ARGFX: variants seen among roughly 807,000 people sequenced by gnomAD.
ARGFX encodes the protein arginine-fifty homeobox.
ARGFX carries 10 observed loss-of-function variants against 8.0 expected under a neutral mutation model. The observed-to-expected ratio is 1.25, with a 90% CI of 0.77 to 2.12. The LOEUF (loss-of-function observed/expected upper bound fraction) is 2.12. Among genes scored for constraint, ARGFX ranks in the 30% most tolerant of loss-of-function variants. The probability of loss-of-function intolerance (pLI) is 0.00; values close to 1 mark genes in which losing one functional copy is unlikely to be tolerated. For synonymous variants in ARGFX, 116 were observed against 117.8 expected, an observed-to-expected ratio of 0.98 and a Z score of 0.10; for missense variants, 282 against 324.3, an observed-to-expected ratio of 0.87 and a Z score of 1.00.
Position 121,577,480 on chromosome 3 carries a change from G to A in ARGFX, c.220+580G>A, listed in dbSNP as rs937124809. On this transcript the variant is annotated intron_variant, in intron 3 of 4. Coordinates refer to ENST00000334384, the MANE Select transcript of ARGFX (RefSeq NM_001012659.2). Reference sequence around the variant, plus strand: ...TGTTGACCAGGCTGGTCTTGAACTCGTGACCTCAAGTGATCCGCCCGCCTG... The same window carrying A: ...TGTTGACCAGGCTGGTCTTGAACTCATGACCTCAAGTGATCCGCCCGCCTG... Among the ~76,000 whole-genome samples, 8 of 150,922 alleles carry A rather than the reference G, an allele frequency of 5.3e-5. No homozygotes were observed. In the South Asian group the frequency reaches 1.0e-3, roughly 20 times the overall value.
At position 121,585,751 on chromosome 3, in the gene ARGFX, C is replaced by G. The variant is rs139767058; in HGVS notation, c.370-271C>G. 5.5e-3 allele frequency among the ~76,000 whole-genome samples: 838 copies of G among 152,230 alleles called. 2 individuals are homozygous for G. The highest frequency in any genetic ancestry group is 7.5e-3 in the Non-Finnish European group (508 of 68,000). On this transcript the variant is annotated intron_variant, in intron 4 of 4. Transcript: ENST00000334384. ...CTAGATCCTAGATCCCTAAACTAGCCTCTCTTCTCTAGAGTTCAGGACCCT... is the reference window on the plus strand; with the variant it reads ...CTAGATCCTAGATCCCTAAACTAGCGTCTCTTCTCTAGAGTTCAGGACCCT...
Position 121,586,458 on chromosome 3 carries a change from G to A in ARGFX, c.806G>A (p.Ser269Asn). Reference sequence around the variant, plus strand: ...GTAGGAGGACAGGGTTCCTCTCTCAGCATCTTTGCTGGTCCAGCTGTAGGC... The same window carrying A: ...GTAGGAGGACAGGGTTCCTCTCTCAACATCTTTGCTGGTCCAGCTGTAGGC... The part of the protein sequence containing the change: ...YQVGGQGSSL[S>N]IFAGPAVGLS... Residue 269 changes from serine (S) to asparagine (N), a missense_variant, in exon 5 of 5, where the codon AGC becomes AAC. Physicochemically the swap from Ser to Asn is conservative, Grantham distance 46 (BLOSUM62 1). Coordinates refer to ENST00000334384, the MANE Select transcript of ARGFX (RefSeq NM_001012659.2). 1 of 1,614,198 alleles carries A rather than the reference G, an allele frequency of 6.2e-7. No homozygotes were observed. The highest frequency in any genetic ancestry group is 8.5e-7 in the Non-Finnish European group (1 of 1,180,046).
At chr3:121,571,730 ATTTTTTTTTTTTTT>A (rs1173636701) in intron 2 of ARGFX, among the ~76,000 whole-genome samples, 2 of 107,102 alleles carry the variant, frequency 1.9e-5, no homozygotes, top group Admixed American at 1.1e-4. Flanking sequence ...TGCCCGGCAA[ATTTTTTTTTTTTTT>A]TTTTTTTTTT....
At chr3:121,573,875 C>T (rs1576440920) in intron 2 of ARGFX, among the ~76,000 whole-genome samples, 1 of 123,340 alleles carries the variant, frequency 8.1e-6, no homozygotes, top group Admixed American at 7.9e-5. Context: ...AAAAAAAAGG[C>T]AAAAAACTTG....
rs1157250183 is a variant in ARGFX, at chr3:121,590,557, A to G, written c.*3957A>G. Reference sequence around the variant, plus strand: ...GGCCCTGGCCAGGTGTGGCCCCTCCATCTTCCGTCTGAGACTGGAAGACTT... The same window carrying G: ...GGCCCTGGCCAGGTGTGGCCCCTCCGTCTTCCGTCTGAGACTGGAAGACTT... On this transcript the variant is annotated 3_prime_UTR_variant, in exon 5 of 5. Transcript: ENST00000334384. 4.1e-5 allele frequency among the ~76,000 whole-genome samples: 6 copies of G among 144,774 alleles called. No individual in the cohort carries two copies. Among genetic ancestry groups the G allele is most frequent in the African/African-American group, 1.0e-4 (4 of 38,480 alleles). 95.0% of individuals were successfully genotyped at this position (144,774 alleles called of 152,430 possible).
chr3:121,584,829 G>A, intron 3 of ARGFX, 88 bp from the exon 4 acceptor site: 1 of 1,448,688 alleles, frequency 6.9e-7, no homozygotes, highest in Non-Finnish European at 9.4e-7. Flanking sequence ...TCACCATGGT[G>A]ATTTGTTTTT....
chr3:121,569,006 G>A (rs891873691), intron 1 of ARGFX, among the ~76,000 whole-genome samples: 1 of 152,146 alleles, frequency 6.6e-6, no homozygotes, highest in African/African-American at 2.4e-5. Flanking sequence ...CATATTCAAA[G>A]TGAAAACTGA....
intron 3 of ARGFX, among the ~76,000 whole-genome samples, chr3:121,583,025 ATTTTTT>A (rs35823830): frequency 1.0e-4 from 11 of 108,358 alleles, no homozygotes; most frequent in African/African-American, 2.6e-4. Flanking sequence ...TAATTGCGGG[ATTTTTT>A]TTTTTTTTTT....
intron 3 of ARGFX, among the ~76,000 whole-genome samples, chr3:121,584,227 G>C (rs1397878979): frequency 3.4e-5 from 5 of 146,508 alleles, no homozygotes; most frequent in South Asian, 2.2e-4. Flanking sequence ...AGGAAGGAAG[G>C]AAGGAAGGAA....
chr3:121,586,552 C>T lies in ARGFX; in HGVS notation c.900C>T (p.Ser300=). 1.2e-6 allele frequency: 2 copies of T among 1,613,988 alleles called. No individual in the cohort carries two copies. Among genetic ancestry groups the T allele is most frequent in the Non-Finnish European group, 1.7e-6 (2 of 1,179,996 alleles). The change falls in exon 5 of 5, where the codon AGC becomes AGT. Residue 300 remains serine, a synonymous_variant. Coordinates refer to ENST00000334384, the MANE Select transcript of ARGFX (RefSeq NM_001012659.2). ...TTGAAGCCTACAGTCTAACAGATAG[C>T]CTGGAATTCCAGAAAACCTCCAATA... ...QAFEAYSLTD[S]LEFQKTSNMV... is the part of the protein sequence containing the mutation.
intron 2 of ARGFX, among the ~76,000 whole-genome samples, chr3:121,575,339 GAAA>G (rs1370780904): frequency 1.3e-5 from 2 of 151,474 alleles, no homozygotes; most frequent in Non-Finnish European, 2.9e-5. Context: ...AAAAGAAAAA[GAAA>G]AAAATCTACA....
At chr3:121,582,578 G>A (rs1576444286) in intron 3 of ARGFX, among the ~76,000 whole-genome samples, 2 of 152,124 alleles carry the variant, frequency 1.3e-5, no homozygotes, top group African/African-American at 2.4e-5. Context: ...TTTCATCTAC[G>A]TTCGTAAGTG....
At chr3:121,579,016 A>C (rs775094363) in intron 3 of ARGFX, among the ~76,000 whole-genome samples, 9 of 152,124 alleles carry the variant, frequency 5.9e-5, no homozygotes, top group Non-Finnish European at 1.0e-4. Flanking sequence ...CTACTGTTGA[A>C]CATATATCAA....
At chr3:121,578,421 C>T (rs993711488) in intron 3 of ARGFX, among the ~76,000 whole-genome samples, 18 of 152,124 alleles carry the variant, frequency 1.2e-4, no homozygotes, top group Non-Finnish European at 2.2e-4. Context: ...GCCACCACAT[C>T]TGGCCACATT....
intron 3 of ARGFX, among the ~76,000 whole-genome samples, chr3:121,578,346 C>T (rs1187989749): frequency 6.6e-6 from 1 of 151,960 alleles, no homozygotes; most frequent in East Asian, 1.9e-4. Flanking sequence ...AGGCTGATCT[C>T]GAACTCCTGA....
chr3:121,572,392 C>A (rs1020968217), intron 2 of ARGFX, among the ~76,000 whole-genome samples: 13 of 151,990 alleles, frequency 8.6e-5, no homozygotes, highest in African/African-American at 2.9e-4. Context: ...CAGGCAGGCG[C>A]TACCACACCC....
At chr3:121,578,836 A>T (rs1262535183) in intron 3 of ARGFX, among the ~76,000 whole-genome samples, 5 of 140,172 alleles carry the variant, frequency 3.6e-5, no homozygotes, top group African/African-American at 7.9e-5. Flanking sequence ...ACACCCAGCT[A>T]TTTTTTTTTT....
At chr3:121,584,248 A>T (rs911137008) in intron 3 of ARGFX, among the ~76,000 whole-genome samples, 23 of 151,230 alleles carry the variant, frequency 1.5e-4, no homozygotes, top group Non-Finnish European at 2.8e-4. Flanking sequence ...GGAAGGAAGG[A>T]AGGAAGGAAG....
intron 3 of ARGFX, among the ~76,000 whole-genome samples, chr3:121,579,579 G>C (rs527850513): frequency 6.6e-6 from 1 of 152,158 alleles, no homozygotes; most frequent in African/African-American, 2.4e-5. Flanking sequence ...CTCTTCTCAG[G>C]GAGCCCACTT....
Sources: gnomAD v4.1 joint callset for allele counts (sites outside exome capture counted in the v4.1 genomes callset) on GRCh38, gnomAD v4.1.1 for gene constraint, MANE v1.5 for transcripts, NCBI Gene and HGNC (gene_info 2026-07-23, HGNC 2026-07-21) for gene names.